The following ENTPD1 variants were observed in gnomAD, a reference collection of about 807,000 sequenced individuals.
The protein encoded by ENTPD1 is ectonucleoside triphosphate diphosphohydrolase 1.
ENTPD1 carries 33 observed loss-of-function variants against 57.0 expected under a neutral mutation model. That is an observed-to-expected ratio of 0.58 (90% CI 0.44 to 0.77). The LOEUF is 0.77. Among genes scored for constraint, ENTPD1 ranks in the 30% least tolerant of loss-of-function variants. The pLI is 0.00. For missense variants in ENTPD1, 501 were observed against 603.4 expected, an observed-to-expected ratio of 0.83 and a Z score of 1.78; for synonymous variants, 202 against 218.8, an observed-to-expected ratio of 0.92 and a Z score of 0.68.
intron 7 of ENTPD1, among the ~76,000 whole-genome samples, chr10:95,850,787 G>A (rs1396871152): frequency 6.6e-6 from 1 of 152,070 alleles, no homozygotes; most frequent in Non-Finnish European, 1.5e-5. Flanking sequence ...TCCTGTTATC[G>A]AGTCCTGCCT....
chr10:95,807,903 C>A (rs1371711113), intron 1 of ENTPD1, among the ~76,000 whole-genome samples: 2 of 152,102 alleles, frequency 1.3e-5, no homozygotes, highest in Non-Finnish European at 2.9e-5. Context: ...ATTTGGATGC[C>A]CTTTATTTCC....
chr10:95,705,419 G>A, the ENTPD1 span, among the ~76,000 whole-genome samples: 1 of 152,072 alleles, frequency 6.6e-6, no homozygotes, highest in African/African-American at 2.4e-5. Context: ...TATATAAATT[G>A]TAGTATACTC....
intron 1 of ENTPD1, among the ~76,000 whole-genome samples, chr10:95,734,598 T>G (rs1306733908): frequency 2.6e-5 from 4 of 152,238 alleles, no homozygotes; most frequent in Non-Finnish European, 5.9e-5. Context: ...TTCTCTTGGA[T>G]TCTTTTCTTG....
chr10:95,739,618 TTACTTC>T (rs1242040775), intron 1 of ENTPD1, among the ~76,000 whole-genome samples: 1 of 152,212 alleles, frequency 6.6e-6, no homozygotes, highest in Admixed American at 6.5e-5. Context: ...ACATCTGCAG[TTACTTC>T]CTTCACTGAA....
chr10:95,799,549 T>C (rs926498677), intron 1 of ENTPD1, among the ~76,000 whole-genome samples: 5 of 152,238 alleles, frequency 3.3e-5, no homozygotes, highest in Non-Finnish European at 7.3e-5. Context: ...CTATGATTGA[T>C]GGGCATTTAA....
chr10:95,741,624 G>A (rs193123275), intron 1 of ENTPD1, among the ~76,000 whole-genome samples: 1 of 152,306 alleles, frequency 6.6e-6, no homozygotes, highest in East Asian at 1.9e-4. Flanking sequence ...GCACAAGCAA[G>A]TGGAGTATGC....
At chr10:95,860,425 C>T in intron 7 of ENTPD1, 44 bp from the exon 8 acceptor site, 4 of 1,527,970 alleles carry the variant, frequency 2.6e-6, no homozygotes, top group Non-Finnish European at 3.6e-6. Context: ...AGTTGGCATC[C>T]CTCTGTGTGG....
At chr10:95,735,598 G>A (rs182988321) in intron 1 of ENTPD1, among the ~76,000 whole-genome samples, 57 of 151,998 alleles carry the variant, frequency 3.8e-4, no homozygotes, top group African/African-American at 1.1e-3. Flanking sequence ...TTATTTGTTT[G>A]TTTGTTTGTT....
At chr10:95,724,724 G>A (rs537314366) in intron 1 of ENTPD1, among the ~76,000 whole-genome samples, 50 of 152,306 alleles carry the variant, frequency 3.3e-4, no homozygotes, top group African/African-American at 1.1e-3. Context: ...ATGGGTCTGC[G>A]ACGGTGGCAA....
intron 1 of ENTPD1, among the ~76,000 whole-genome samples, chr10:95,727,921 A>G (rs1229607605): frequency 2.0e-5 from 3 of 152,274 alleles, no homozygotes; most frequent in Non-Finnish European, 4.4e-5. Context: ...ATTCACATAA[A>G]TATTTTGTAT....
chr10:95,699,640 AAG>A, the ENTPD1 span, among the ~76,000 whole-genome samples: 1 of 151,776 alleles, frequency 6.6e-6, no homozygotes, highest in Admixed American at 6.6e-5. Context: ...GAGAGAGAGA[AAG>A]AGAGAAGAAA....
At chr10:95,820,200 T>C (rs758398662) in intron 1 of ENTPD1, among the ~76,000 whole-genome samples, 3 of 152,230 alleles carry the variant, frequency 2.0e-5, no homozygotes, top group African/African-American at 4.8e-5. Flanking sequence ...CCATGGAAGA[T>C]AGCATTTTAA....
intron 1 of ENTPD1, among the ~76,000 whole-genome samples, chr10:95,724,201 A>G (rs1379979766): frequency 5.3e-5 from 8 of 150,210 alleles, no homozygotes; most frequent in Non-Finnish European, 7.4e-5. Flanking sequence ...TTTCCCAGAT[A>G]GCCTCACACC....
At chr10:95,697,311 C>T in the ENTPD1 span, among the ~76,000 whole-genome samples, 12 of 142,094 alleles carry the variant, frequency 8.4e-5, no homozygotes, top group Non-Finnish European at 1.7e-4. Context: ...GTGGGGGTGG[C>T]GGGAGGCAGT....
In ENTPD1 at chr10:95,743,997, C is replaced by CATATATATAT. The variant is rs57187898; in HGVS notation, c.37+32033_37+32042dup. On this transcript the variant is annotated intron_variant, in intron 1 of 9. Coordinates refer to the ENTPD1 transcript ENST00000453258. ...AAGAAAATATAGATGTATTTTAAACCATATATATATATATATATATATATA... is the reference window on the plus strand; with the variant it reads ...AAGAAAATATAGATGTATTTTAAACCATATATATATATATATATATATATATATATATATA... Among the ~76,000 whole-genome samples the CATATATATAT allele has an allele frequency of 8.3e-3, 674 of 80,880 alleles. 18 individuals carry two copies. The highest frequency in any genetic ancestry group is 0.012 in the Non-Finnish European group (458 of 37,726). The allele number at this position is 80,880 out of a possible 152,430, so 53.1% of individuals were successfully genotyped here. A position where few individuals can be genotyped will look rare whatever the true frequency, so the allele number is the denominator to read the frequency against.
At chr10:95,865,993 G>C (rs1490389355) in intron 9 of ENTPD1, among the ~76,000 whole-genome samples, 184 bp from the exon 10 acceptor site, 1 of 152,078 alleles carries the variant, frequency 6.6e-6, no homozygotes, top group Non-Finnish European at 1.5e-5. Context: ...TCAAACTCCT[G>C]GCCTCAAGTG....
chr10:95,871,578 A>C lies in ENTPD1; in HGVS notation c.*5195A>C. On this transcript the variant is annotated 3_prime_UTR_variant, in exon 10 of 10. Transcript: ENST00000371205. ...TCACAGGTATAATGGATTTTTCAAT[A>C]GTGAGGAGGTGCCTCCATGAGCCTT... The C allele has an allele frequency of 9.1e-6, 9 of 985,474 alleles. No homozygotes were observed. Among genetic ancestry groups the C allele is most frequent in the Admixed American group, 6.1e-5 (1 of 16,292 alleles). 61.0% of individuals were successfully genotyped at this position (985,474 alleles called of 1,614,324 possible).
intron 1 of ENTPD1, among the ~76,000 whole-genome samples, chr10:95,770,214 C>T (rs1196653555): frequency 6.7e-6 from 1 of 148,336 alleles, no homozygotes; most frequent in African/African-American, 2.5e-5. Flanking sequence ...GGAAGAGAAA[C>T]CGTCCAAGAA....
intron 1 of ENTPD1, among the ~76,000 whole-genome samples, chr10:95,768,056 C>T (rs1056444030): frequency 3.3e-5 from 5 of 152,246 alleles, no homozygotes; most frequent in Admixed American, 3.3e-4. Flanking sequence ...ATGCTGGCCC[C>T]TTGATCTGGA....
Sources: allele counts gnomAD v4.1 joint callset (sites outside exome capture counted in the v4.1 genomes callset), GRCh38; gene constraint gnomAD v4.1.1; transcripts MANE v1.5; gene names NCBI Gene and HGNC (gene_info 2026-07-23, HGNC 2026-07-21).